Variants in ERCC6L2 observed in about 807,000 individuals in gnomAD.
ERCC6L2 encodes DNA excision repair protein ERCC-6-like 2.
Under a neutral mutation model 132.0 loss-of-function variants are expected in ERCC6L2, and 77 were observed. The observed-to-expected ratio is 0.58, with a 90% CI of 0.49 to 0.71. The LOEUF is 0.71. Ranked by LOEUF, ERCC6L2 falls within the 30% of genes least tolerant of loss-of-function variation. ERCC6L2 has a pLI of 0.00. For synonymous variants in ERCC6L2, 583 were observed against 632.4 expected, an observed-to-expected ratio of 0.92 and a Z score of 1.17; for missense variants, 1,542 against 1,837.6, an observed-to-expected ratio of 0.84 and a Z score of 2.94.
intron 17 of ERCC6L2, among the ~76,000 whole-genome samples, chr9:95,990,840 G>A (rs1320412000): frequency 6.6e-6 from 1 of 152,222 alleles, no homozygotes; most frequent in African/African-American, 2.4e-5. Context: ...TGGCACGTGG[G>A]TTCTTGTCTG....
intron 3 of ERCC6L2, among the ~76,000 whole-genome samples, chr9:95,903,834 C>A (rs1313187646): frequency 6.6e-6 from 1 of 151,874 alleles, no homozygotes; most frequent in African/African-American, 2.4e-5. Flanking sequence ...AAATTGGAAT[C>A]TTTGCTAGAA....
intron 17 of ERCC6L2, among the ~76,000 whole-genome samples, chr9:95,983,363 G>C (rs533755248): frequency 6.6e-6 from 1 of 152,170 alleles, no homozygotes; most frequent in African/African-American, 2.4e-5. Context: ...TCTTCTCCCA[G>C]CTGGTCACTG....
At chr9:96,028,469 C>T in intron 19 of ERCC6L2, among the ~76,000 whole-genome samples, 1 of 152,172 alleles carries the variant, frequency 6.6e-6, no homozygotes, top group East Asian at 1.9e-4. Flanking sequence ...CTCCATGGCA[C>T]ACTCTAAAAT....
intron 12 of ERCC6L2, among the ~76,000 whole-genome samples, chr9:95,948,577 T>C (rs1311943015): frequency 6.6e-6 from 1 of 151,420 alleles, no homozygotes; most frequent in Non-Finnish European, 1.5e-5. Context: ...ACCCGGGAGG[T>C]GGAGGCTGCA....
chr9:95,880,530 A>G (rs1827532983), intron 1 of ERCC6L2, among the ~76,000 whole-genome samples: 1 of 152,164 alleles, frequency 6.6e-6, no homozygotes, highest in African/African-American at 2.4e-5. Context: ...ACAACCAAAC[A>G]AAACAATAAA....
At chr9:95,936,091 T>C (rs901705217) in intron 11 of ERCC6L2, among the ~76,000 whole-genome samples, 38 of 152,144 alleles carry the variant, frequency 2.5e-4, no homozygotes, top group African/African-American at 8.7e-4. Flanking sequence ...GCAGTGGTAA[T>C]AGGAATGGAG....
In ERCC6L2 at chr9:96,013,307, T is replaced by A. The variant is rs144796753; in HGVS notation, c.*104T>A. On this transcript the variant is annotated 3_prime_UTR_variant, in exon 19 of 19. Transcript: ENST00000653738. ...CTTGAACACAGTTGTTGACATATAT[T>A]TTTATTAAATTATTGCTTTAGGATT... 114 of 1,007,780 alleles carry A rather than the reference T, an allele frequency of 1.1e-4. No individual in the cohort carries two copies. The African/African-American group carries it at 1.6e-3, about 15-fold the overall frequency. 62.4% of individuals were successfully genotyped at this position (1,007,780 alleles called of 1,614,324 possible). A position where few individuals can be genotyped will look rare whatever the true frequency, so the allele number is the denominator to read the frequency against.
intron 17 of ERCC6L2, among the ~76,000 whole-genome samples, chr9:95,986,720 C>T (rs1833110847): frequency 6.6e-6 from 1 of 152,080 alleles, no homozygotes; most frequent in African/African-American, 2.4e-5. Flanking sequence ...TGGTCTCAAA[C>T]TCCTGACCTC....
chr9:95,917,380 A>G (rs890904947), intron 6 of ERCC6L2, among the ~76,000 whole-genome samples: 2 of 152,218 alleles, frequency 1.3e-5, no homozygotes, highest in African/African-American at 2.4e-5. Flanking sequence ...TTACTATGGA[A>G]CTAAACCTAA....
intron 19 of ERCC6L2, among the ~76,000 whole-genome samples, chr9:96,035,125 T>C (rs1389762468): frequency 2.6e-5 from 4 of 152,190 alleles, no homozygotes; most frequent in African/African-American, 9.7e-5. Flanking sequence ...TCCCACTGCC[T>C]GTCCTCTCTC....
chr9:95,999,018 G>A (rs913655160), intron 17 of ERCC6L2, among the ~76,000 whole-genome samples: 2 of 152,116 alleles, frequency 1.3e-5, no homozygotes, highest in Non-Finnish European at 2.9e-5. Flanking sequence ...TATGAAACTA[G>A]ATAGATTTTT....
At chr9:95,922,019 C>T (rs1210753879) in intron 7 of ERCC6L2, among the ~76,000 whole-genome samples, 3 of 152,134 alleles carry the variant, frequency 2.0e-5, no homozygotes, top group East Asian at 3.8e-4. Flanking sequence ...CCAGGCACCT[C>T]GTAACAGCAA....
intron 17 of ERCC6L2, among the ~76,000 whole-genome samples, chr9:96,002,091 C>T (rs775305998): frequency 6.6e-5 from 10 of 152,218 alleles, no homozygotes; most frequent in Admixed American, 3.3e-4. Flanking sequence ...GGTTCCCGCG[C>T]GTGCCTCTCC....
chr9:95,991,000 G>A (rs947460301), intron 17 of ERCC6L2, among the ~76,000 whole-genome samples: 4 of 152,144 alleles, frequency 2.6e-5, no homozygotes, highest in African/African-American at 9.7e-5. Flanking sequence ...TCTCCAGCCA[G>A]GCCCCTCTCC....
At position 96,016,396 on chromosome 9, in the gene ERCC6L2, A is replaced by G. The variant is rs1325444775; in HGVS notation, c.*3193A>G. 6.6e-6 allele frequency among the ~76,000 whole-genome samples: 1 copy of G among 152,212 alleles called. No homozygotes were observed. The highest frequency in any genetic ancestry group is 1.5e-5 in the Non-Finnish European group (1 of 68,036). ...TGTTTCCATGATGCTACTTGCCACA[A>G]TCTTTTTTACTTAAGCAATGATACC... On this transcript the variant is annotated 3_prime_UTR_variant, in exon 19 of 19. Transcript: ENST00000653738.
At position 95,876,191 on chromosome 9, in the gene ERCC6L2, T is replaced by C. The variant is rs116873203; in HGVS notation, c.46+107T>C. 6,722 of 1,020,220 alleles carry C rather than the reference T, an allele frequency of 6.6e-3. 34 individuals carry two copies. The highest frequency in any genetic ancestry group is 8.3e-3 in the Non-Finnish European group (5,758 of 691,534). 63.2% of individuals were successfully genotyped at this position (1,020,220 alleles called of 1,614,324 possible). A position where few individuals can be genotyped will look rare whatever the true frequency, so the allele number is the denominator to read the frequency against. On this transcript the variant is annotated intron_variant, in intron 1 of 18. Transcript: ENST00000653738. ...TTGGGGTTTTGCCCTGTAGATCCTC[T>C]TCAGTGACAGCTGCAGATTGTGAAC...
At chr9:95,961,923 G>A (rs1389752515) in intron 13 of ERCC6L2, among the ~76,000 whole-genome samples, 3 of 152,048 alleles carry the variant, frequency 2.0e-5, no homozygotes, top group South Asian at 2.1e-4. Context: ...ATCAGATCTC[G>A]TGAGACTTAT....
intron 19 of ERCC6L2, among the ~76,000 whole-genome samples, chr9:96,038,195 C>T (rs1834541317): frequency 6.6e-6 from 1 of 151,946 alleles, no homozygotes; most frequent in Non-Finnish European, 1.5e-5. Flanking sequence ...AAAAAAAATA[C>T]CTGGAGCAAA....
intron 19 of ERCC6L2, among the ~76,000 whole-genome samples, chr9:96,024,877 A>G (rs1232428609): frequency 1.8e-4 from 27 of 152,220 alleles, no homozygotes; most frequent in Admixed American, 1.8e-3. Flanking sequence ...TGCTTCAGTC[A>G]TTGACCTCAT....
Sources: gnomAD v4.1 joint callset for allele counts (sites outside exome capture counted in the v4.1 genomes callset) on GRCh38, gnomAD v4.1.1 for gene constraint, MANE v1.5 for transcripts, NCBI Gene and HGNC (gene_info 2026-07-23, HGNC 2026-07-21) for gene names.